Variants in DNAH9 observed in about 807,000 individuals in gnomAD.
DNAH9 encodes dynein axonemal heavy chain 9.
DNAH9 carries 345 observed loss-of-function variants against 471.6 expected under a neutral mutation model. The observed-to-expected ratio is 0.73, with a 90% CI of 0.67 to 0.80. DNAH9 has a LOEUF of 0.80. Among genes scored for constraint, DNAH9 ranks in the 30% least tolerant of loss-of-function variants. The pLI, the probability that DNAH9 is intolerant of heterozygous loss-of-function variation, is 0.00. For missense variants in DNAH9, 5,407 were observed against 5,609.2 expected (o/e 0.96, Z 1.15); for synonymous variants, 2,093 against 2,123.6 (o/e 0.99, Z 0.40).
At chr17:11,835,033 A>T (rs1278516170) in intron 49 of DNAH9, 135 bp downstream of exon 49, 4 of 1,207,430 alleles carry the variant, frequency 3.3e-6, no homozygotes, top group Non-Finnish European at 4.5e-6. Flanking sequence ...TGATTTGCTC[A>T]TTAAGCAAGC....
intron 62 of DNAH9, among the ~76,000 whole-genome samples, chr17:11,925,862 A>C (rs571560891): frequency 1.3e-5 from 2 of 152,206 alleles, no homozygotes; most frequent in Non-Finnish European, 2.9e-5. Context: ...GAATAGACGT[A>C]ATCTGTCCAC....
At chr17:11,947,772 ATTTTTTTTTTTTT>A (rs71367359) in intron 67 of DNAH9, among the ~76,000 whole-genome samples, 1 of 108,344 alleles carries the variant, frequency 9.2e-6, no homozygotes, top group South Asian at 2.9e-4. Context: ...GCTGGGAACT[ATTTTTTTTTTTTT>A]TTTTTTTTTT....
At chr17:11,653,657 A>G (rs1381749740) in intron 14 of DNAH9, among the ~76,000 whole-genome samples, 2 of 152,212 alleles carry the variant, frequency 1.3e-5, no homozygotes, top group Non-Finnish European at 1.5e-5. Flanking sequence ...AGTGAATCAC[A>G]GTTGTTATCT....
At chr17:11,772,224 G>GGAT (rs1968235038) in intron 38 of DNAH9, among the ~76,000 whole-genome samples, 1 of 123,690 alleles carries the variant, frequency 8.1e-6, no homozygotes, top group East Asian at 2.2e-4. Flanking sequence ...TTACTAAATA[G>GGAT]AATAATAATT....
At chr17:11,764,207 TG>T (rs545444888) in intron 36 of DNAH9, among the ~76,000 whole-genome samples, 49 of 152,336 alleles carry the variant, frequency 3.2e-4, no homozygotes, top group Admixed American at 1.6e-3. Context: ...AAGGGATATG[TG>T]GCTTGGAATA....
At chr17:11,658,867 T>C (rs1228759265) in intron 14 of DNAH9, among the ~76,000 whole-genome samples, 1 of 152,230 alleles carries the variant, frequency 6.6e-6, no homozygotes, top group Non-Finnish European at 1.5e-5. Flanking sequence ...GTCATATTAA[T>C]CTTTTCATGT....
At position 11,960,695 on chromosome 17, in the gene DNAH9, G is replaced by A. The variant is rs1044592316; in HGVS notation, c.12844-1172G>A. On this transcript the variant is annotated intron_variant, in intron 67 of 68. Coordinates refer to ENST00000262442, the MANE Select transcript of DNAH9 (RefSeq NM_001372.4). ...AATCGCTTGAACCCGGGAGGCGGAG[G>A]TTGCAGTGAGCAGAGATTGCGCCCC... 8.6e-5 allele frequency among the ~76,000 whole-genome samples: 13 copies of A among 151,730 alleles called. No homozygotes were observed. The South Asian group carries it at 1.2e-3, about 15-fold the overall frequency.
At chr17:11,622,388 T>G (rs1180368227) in intron 6 of DNAH9, among the ~76,000 whole-genome samples, 1 of 152,202 alleles carries the variant, frequency 6.6e-6, no homozygotes, top group African/African-American at 2.4e-5. Flanking sequence ...GCCGTTTCCA[T>G]CATGGTTGAT....
At position 11,823,168 on chromosome 17, in the gene DNAH9, G is replaced by A. The variant is rs976863608; in HGVS notation, c.9246+134G>A. 6 of 747,958 alleles carry A rather than the reference G, an allele frequency of 8.0e-6. No individual in the cohort carries two copies. In the Admixed American group the frequency reaches 8.7e-5, roughly 11 times the overall value. 46.3% of individuals were successfully genotyped at this position (747,958 alleles called of 1,614,324 possible). On this transcript the variant is annotated intron_variant, in intron 48 of 68. Coordinates refer to ENST00000262442, the MANE Select transcript of DNAH9 (RefSeq NM_001372.4). Reference sequence around the variant, plus strand: ...TTTTCCAGAGACTCCCATGTCATCAGTATCTATTATGTTCTCGTGTGTTGC... The same window carrying A: ...TTTTCCAGAGACTCCCATGTCATCAATATCTATTATGTTCTCGTGTGTTGC...
intron 19 of DNAH9, among the ~76,000 whole-genome samples, chr17:11,688,743 AGAGT>A (rs1326752014): frequency 1.4e-4 from 21 of 152,296 alleles, no homozygotes; most frequent in Middle Eastern, 3.4e-3. Context: ...CCACTGCCCC[AGAGT>A]GATCAATGGA....
At chr17:11,631,924 G>C (rs1257553602) in intron 7 of DNAH9, among the ~76,000 whole-genome samples, 1 of 151,138 alleles carries the variant, frequency 6.6e-6, no homozygotes, top group Non-Finnish European at 1.5e-5. Context: ...AAATTGCTAC[G>C]TGCTAAGAGA....
chr17:11,679,685 G>T, intron 17 of DNAH9, 72 bp from the exon 18 acceptor site: 2 of 1,088,210 alleles, frequency 1.8e-6, no homozygotes, highest in Non-Finnish European at 2.8e-6. Context: ...ATTTTTGTTG[G>T]GGAAATCAAT....
chr17:11,742,093 G>T, intron 29 of DNAH9, 82 bp from the exon 30 acceptor site: 1 of 1,314,200 alleles, frequency 7.6e-7, no homozygotes, highest in East Asian at 2.3e-5. Flanking sequence ...GTGTGATCTC[G>T]GCCAGTGCTT....
rs932092430 is a variant in DNAH9, at chr17:11,712,312, C to T, written c.5553-7022C>T. ...AATATTCAATTTTATAGATATACCA[C>T]ATGCTCTTTATCCATTCAACCGATG... On this transcript the variant is annotated intron_variant, in intron 26 of 68. Transcript: ENST00000262442. 3.3e-5 allele frequency among the ~76,000 whole-genome samples: 5 copies of T among 151,142 alleles called. No individual in the cohort carries two copies. In the South Asian group the frequency reaches 1.0e-3, roughly 31 times the overall value.
chr17:11,809,087 C>T (rs141431718), intron 44 of DNAH9, among the ~76,000 whole-genome samples: 1 of 152,144 alleles, frequency 6.6e-6, no homozygotes, highest in African/African-American at 2.4e-5. Flanking sequence ...GAGGTTGATA[C>T]ACCAAAGGAA....
intron 49 of DNAH9, among the ~76,000 whole-genome samples, chr17:11,844,105 A>T (rs1971131751): frequency 6.6e-6 from 1 of 151,546 alleles, no homozygotes; most frequent in East Asian, 1.9e-4. Context: ...ATAAAACTGT[A>T]AAAGAACTAG....
At chr17:11,754,145 AC>A (rs1456750421) in intron 33 of DNAH9, among the ~76,000 whole-genome samples, 5 of 149,656 alleles carry the variant, frequency 3.3e-5, no homozygotes, top group Non-Finnish European at 4.5e-5. Context: ...AAAAAAAAAA[AC>A]AAAACATGAT....
Position 11,886,806 on chromosome 17 carries a change from C to A in DNAH9, c.10972-19C>A. 1 of 1,601,428 alleles carries A rather than the reference C, an allele frequency of 6.2e-7. No homozygotes were observed. Among genetic ancestry groups the A allele is most frequent in the Non-Finnish European group, 8.5e-7 (1 of 1,172,874 alleles). ...CCAGGTTGGTTGGAACAGTGGGCTG[C>A]TGTTTATTTTTCCAACAGGTCCAGG... On this transcript the variant is annotated intron_variant, in intron 56 of 68. Transcript: ENST00000262442.
intron 1 of DNAH9, 94 bp from the exon 2 acceptor site, chr17:11,608,035 G>A: frequency 7.4e-6 from 7 of 946,060 alleles, no homozygotes; most frequent in South Asian, 3.4e-5. Context: ...GCAAAAGGTT[G>A]TATATAGCTT....
Sources: gnomAD v4.1 joint callset for allele counts (sites outside exome capture counted in the v4.1 genomes callset) on GRCh38, gnomAD v4.1.1 for gene constraint, MANE v1.5 for transcripts, NCBI Gene and HGNC (gene_info 2026-07-23, HGNC 2026-07-21) for gene names.